Variants in ZCWPW2 observed in about 807,000 individuals in gnomAD.
ZCWPW2 encodes zinc finger CW-type PWWP domain protein 2.
A neutral mutation model predicts 46.6 loss-of-function variants in ZCWPW2; 45 were observed. That is an observed-to-expected ratio of 0.96 (90% CI 0.76 to 1.24). ZCWPW2 has a LOEUF of 1.24. ZCWPW2 is among the 50% of genes most tolerant of loss of function. The pLI, the probability that ZCWPW2 is intolerant of heterozygous loss-of-function variation, is 0.00. For synonymous variants in ZCWPW2, 152 were observed against 137.1 expected, an observed-to-expected ratio of 1.11 and a Z score of -0.76; for missense variants, 429 against 403.9, an observed-to-expected ratio of 1.06 and a Z score of -0.53.
chr3:28,373,842 T>G (rs1705419295), intron 1 of ZCWPW2, among the ~76,000 whole-genome samples: 1 of 152,056 alleles, frequency 6.6e-6, no homozygotes, highest in African/African-American at 2.4e-5. Flanking sequence ...GATTTGTTTG[T>G]TTTTGTTTGT....
At chr3:28,501,248 T>C (rs528370144) in intron 6 of ZCWPW2, among the ~76,000 whole-genome samples, 1 of 152,160 alleles carries the variant, frequency 6.6e-6, no homozygotes, top group Non-Finnish European at 1.5e-5. Flanking sequence ...AAAAATGAGA[T>C]TGGTTAACAT....
rs568840779 is a variant in ZCWPW2 at position 28,356,121 on chromosome 3, C to A, written c.-134+6918C>A. 9.9e-5 allele frequency among the ~76,000 whole-genome samples: 15 copies of A among 152,262 alleles called. No homozygotes were observed. In the South Asian group the frequency reaches 2.7e-3, roughly 27 times the overall value. ...TACTCATCTGACAAAGGGCTAATAT[C>A]CAGAATCGACGAAGAACTTAAACAA... On this transcript the variant is annotated intron_variant, in intron 1 of 9. Coordinates refer to ENST00000383768, the MANE Select transcript of ZCWPW2 (RefSeq NM_001040432.4).
intron 4 of ZCWPW2, among the ~76,000 whole-genome samples, chr3:28,468,965 G>T (rs1184018059): frequency 1.3e-5 from 2 of 151,928 alleles, no homozygotes; most frequent in African/African-American, 4.8e-5. Context: ...GCTCTTCAGT[G>T]GAAAGACTAA....
chr3:28,397,027 G>C (rs964129976), intron 2 of ZCWPW2, among the ~76,000 whole-genome samples: 3 of 151,904 alleles, frequency 2.0e-5, no homozygotes, highest in African/African-American at 4.8e-5. Flanking sequence ...TTCTTGGGAG[G>C]CTGAGGCATG....
chr3:28,417,057 CT>C (rs762824707), intron 3 of ZCWPW2, among the ~76,000 whole-genome samples: 5,242 of 124,600 alleles, frequency 0.042, 158 homozygotes, highest in African/African-American at 0.12. Flanking sequence ...GATTCCCTCT[CT>C]TTTTTTTTTT....
intron 4 of ZCWPW2, among the ~76,000 whole-genome samples, chr3:28,460,720 C>T (rs1433931463): frequency 2.6e-5 from 4 of 152,150 alleles, no homozygotes; most frequent in Non-Finnish European, 4.4e-5. Flanking sequence ...TAAGTTTCTA[C>T]TGAACTGCTT....
At chr3:28,413,867 G>C (rs912413511) in intron 3 of ZCWPW2, among the ~76,000 whole-genome samples, 1 of 151,958 alleles carries the variant, frequency 6.6e-6, no homozygotes, top group African/African-American at 2.4e-5. Flanking sequence ...ATACCTTCTT[G>C]TGGCATATCT....
At chr3:28,495,160 A>G (rs948340219) in intron 6 of ZCWPW2, among the ~76,000 whole-genome samples, 4 of 151,958 alleles carry the variant, frequency 2.6e-5, no homozygotes, top group South Asian at 2.1e-4. Context: ...GAGGCATCAC[A>G]CTACCTGACT....
intron 6 of ZCWPW2, among the ~76,000 whole-genome samples, chr3:28,510,201 T>A (rs1488070580): frequency 1.3e-5 from 2 of 152,202 alleles, no homozygotes; most frequent in East Asian, 3.9e-4. Flanking sequence ...ACTATCTTGA[T>A]TACTGTAGCT....
At position 28,474,446 on chromosome 3, in the gene ZCWPW2, A is replaced by G. The variant is rs146173852; in HGVS notation, c.493-4368A>G. On this transcript the variant is annotated intron_variant, in intron 4 of 9. Coordinates refer to ENST00000383768, the MANE Select transcript of ZCWPW2 (RefSeq NM_001040432.4). The stretch of plus-strand genomic sequence containing the variant: ...ATTTCAGCATTGCTTCCAACAGCGT[A>G]TTAGGAACAACCTAAGTGTCCATCA... Among the ~76,000 whole-genome samples, 1,058 of 152,266 alleles carry G rather than the reference A, an allele frequency of 6.9e-3. 7 individuals are homozygous for G. The highest frequency in any genetic ancestry group is 0.012 in the South Asian group (58 of 4,828).
intron 4 of ZCWPW2, among the ~76,000 whole-genome samples, chr3:28,466,837 G>A (rs1469774380): frequency 6.6e-6 from 1 of 151,950 alleles, no homozygotes; most frequent in Non-Finnish European, 1.5e-5. Context: ...TGAGTAAATG[G>A]AAAGATATAA....
At chr3:28,388,580 A>G (rs374194889) in intron 1 of ZCWPW2, among the ~76,000 whole-genome samples, 5 of 152,230 alleles carry the variant, frequency 3.3e-5, no homozygotes, top group Admixed American at 1.3e-4. Flanking sequence ...TAAAGTCAGT[A>G]TATCTTATAT....
At chr3:28,519,162 C>G (rs940677585) in intron 8 of ZCWPW2, among the ~76,000 whole-genome samples, 12 of 152,092 alleles carry the variant, frequency 7.9e-5, no homozygotes, top group Non-Finnish European at 1.6e-4. Context: ...ACAGGCTTTG[C>G]TTGTTTGTTT....
rs1406325630 is a variant in ZCWPW2, at chr3:28,461,254, T to A, written c.493-17560T>A. 3.3e-5 allele frequency among the ~76,000 whole-genome samples: 5 copies of A among 152,304 alleles called. No individual in the cohort carries two copies. The South Asian group carries it at 8.3e-4, about 25-fold the overall frequency. ...TGTCATTGTACCTAGAGTGTTGTTA[T>A]GAGGTTCTCCCACCCCCCAGATTGG... On this transcript the variant is annotated intron_variant, in intron 4 of 9. Transcript: ENST00000383768.
chr3:28,479,455 A>G (rs1426765841), intron 5 of ZCWPW2, among the ~76,000 whole-genome samples: 1 of 152,218 alleles, frequency 6.6e-6, no homozygotes, highest in Non-Finnish European at 1.5e-5. Flanking sequence ...TGAATTCTCA[A>G]TACTATGGTA....
intron 4 of ZCWPW2, among the ~76,000 whole-genome samples, chr3:28,436,572 G>GT (rs1395325694): frequency 6.6e-6 from 1 of 151,652 alleles, no homozygotes; most frequent in Non-Finnish European, 1.5e-5. Context: ...TTTTTAATGG[G>GT]TTTTTACTAT....
intron 1 of ZCWPW2, among the ~76,000 whole-genome samples, chr3:28,353,111 G>A (rs1328640760): frequency 6.6e-6 from 1 of 151,910 alleles, no homozygotes; most frequent in Non-Finnish European, 1.5e-5. Context: ...TTGAACTCAG[G>A]AGGCAGAGGC....
chr3:28,502,739 T>C (rs1350088810), intron 6 of ZCWPW2, among the ~76,000 whole-genome samples: 1 of 152,124 alleles, frequency 6.6e-6, no homozygotes, highest in Non-Finnish European at 1.5e-5. Context: ...TTATTGTCGC[T>C]AGGGTTGCAG....
chr3:28,377,035 C>A (rs963591376), intron 1 of ZCWPW2, among the ~76,000 whole-genome samples: 5 of 151,568 alleles, frequency 3.3e-5, no homozygotes, highest in Admixed American at 6.6e-5. Context: ...AAAGTGAAGA[C>A]AAATATTTTT....
Sources: allele counts gnomAD v4.1 joint callset (sites outside exome capture counted in the v4.1 genomes callset), GRCh38; gene constraint gnomAD v4.1.1; transcripts MANE v1.5; gene names NCBI Gene and HGNC (gene_info 2026-07-23, HGNC 2026-07-21).